Variants in PARD6B observed in about 807,000 individuals in gnomAD.
PARD6B encodes the protein par-6 family cell polarity regulator beta.
In PARD6B, 4 loss-of-function variants were observed where a neutral mutation model predicts 10.5. That is an observed-to-expected ratio of 0.38 (90% CI 0.19 to 0.87). PARD6B has a LOEUF of 0.87. PARD6B is among the 40% of genes least tolerant of loss of function. The probability of loss-of-function intolerance (pLI) is 0.41; values close to 1 mark genes in which losing one functional copy is unlikely to be tolerated. For synonymous variants in PARD6B, 169 were observed against 170.4 expected (o/e 0.99, Z 0.07); for missense variants, 396 against 470.6 (o/e 0.84, Z 1.47).
Position 50,751,994 on chromosome 20 carries a change from A to G in PARD6B, c.*1506A>G, listed in dbSNP as rs143302333. On this transcript the variant is annotated 3_prime_UTR_variant, in exon 3 of 3. Coordinates refer to ENST00000371610, the MANE Select transcript of PARD6B (RefSeq NM_032521.3). ...GGATTGCAGGCATGAGCGCCTAGCC[A>G]GGAAGCTATCTTTTCTTGAGTTATG... The G allele has an allele frequency of 9.1e-5, 90 of 985,370 alleles. No homozygotes were observed. The East Asian group carries it at 9.5e-3, about 104-fold the overall frequency. 61.0% of individuals were successfully genotyped at this position (985,370 alleles called of 1,614,324 possible).
chr20:50,752,989 A>G lies in PARD6B; in HGVS notation c.*2501A>G. 1 of 984,182 alleles carries G rather than the reference A, an allele frequency of 1.0e-6. No individual in the cohort carries two copies. The highest frequency in any genetic ancestry group is 1.2e-6 in the Non-Finnish European group (1 of 828,414). 61.0% of individuals were successfully genotyped at this position (984,182 alleles called of 1,614,324 possible). ...TCTTGAATGGCAAAATAATGTTAGT[A>G]TGTAGAAGGTTAACTTTCATTTATA... On this transcript the variant is annotated 3_prime_UTR_variant, in exon 3 of 3. Transcript: ENST00000371610.
chr20:50,738,418 A>C (rs1382910953), intron 2 of PARD6B, among the ~76,000 whole-genome samples: 3 of 152,250 alleles, frequency 2.0e-5, no homozygotes, highest in Non-Finnish European at 4.4e-5. Context: ...ACTCAGAAAA[A>C]TGTGAAAAGA....
intron 1 of PARD6B, among the ~76,000 whole-genome samples, chr20:50,732,607 G>T (rs1360557097): frequency 6.6e-6 from 1 of 152,160 alleles, no homozygotes; most frequent in Non-Finnish European, 1.5e-5. Context: ...CTTCCAAAGG[G>T]GGTTTTGAGC....
At chr20:50,746,902 A>C (rs1233888366) in intron 2 of PARD6B, among the ~76,000 whole-genome samples, 1 of 152,214 alleles carries the variant, frequency 6.6e-6, no homozygotes, top group Non-Finnish European at 1.5e-5. Context: ...AAAACACATT[A>C]CCAGAAGACT....
Position 50,753,157 on chromosome 20 carries a change from G to T in PARD6B, c.*2669G>T. On this transcript the variant is annotated 3_prime_UTR_variant, in exon 3 of 3. Coordinates refer to ENST00000371610, the MANE Select transcript of PARD6B (RefSeq NM_032521.3). The stretch of plus-strand genomic sequence containing the variant: ...TTGACTTTTTGTACAAATTTTAACT[G>T]TAAAATACAGATTTATCTTGTACGC... 1.0e-6 allele frequency: 1 copy of T among 984,386 alleles called. No individual in the cohort carries two copies. Among genetic ancestry groups the T allele is most frequent in the Non-Finnish European group, 1.2e-6 (1 of 829,196 alleles). The allele number at this position is 984,386 out of a possible 1,614,324, so 61.0% of individuals were successfully genotyped here. A position where few individuals can be genotyped will look rare whatever the true frequency, so the allele number is the denominator to read the frequency against.
intron 2 of PARD6B, among the ~76,000 whole-genome samples, chr20:50,739,862 A>AG (rs2087520945): frequency 5.5e-5 from 1 of 18,104 alleles, no homozygotes; most frequent in African/African-American, 2.1e-4. Flanking sequence ...CTAGAAGTAG[A>AG]GGGGAAGGGT....
chr20:50,752,399 T>A lies in PARD6B; in HGVS notation c.*1911T>A, dbSNP rs2087618368. The A allele has an allele frequency of 1.0e-6, 1 of 985,676 alleles. No homozygotes were observed. Among genetic ancestry groups the A allele is most frequent in the African/African-American group, 1.7e-5 (1 of 57,222 alleles). The allele number at this position is 985,676 out of a possible 1,614,324, so 61.1% of individuals were successfully genotyped here. A position where few individuals can be genotyped will look rare whatever the true frequency, so the allele number is the denominator to read the frequency against. Reference sequence around the variant, plus strand: ...AACACTGCCTACACTTTATGAAAACTACATAGTATTCACCTGTGACAGGTA... The same window carrying A: ...AACACTGCCTACACTTTATGAAAACAACATAGTATTCACCTGTGACAGGTA... On this transcript the variant is annotated 3_prime_UTR_variant, in exon 3 of 3. Coordinates refer to ENST00000371610, the MANE Select transcript of PARD6B (RefSeq NM_032521.3).
At chr20:50,738,355 A>G (rs1162308236) in intron 2 of PARD6B, among the ~76,000 whole-genome samples, 1 of 152,242 alleles carries the variant, frequency 6.6e-6, no homozygotes, top group Non-Finnish European at 1.5e-5. Flanking sequence ...TTGGGAATTT[A>G]TTGAATATTG....
Position 50,753,091 on chromosome 20 carries a change from T to G in PARD6B, c.*2603T>G, listed in dbSNP as rs921885320. On this transcript the variant is annotated 3_prime_UTR_variant, in exon 3 of 3. Coordinates refer to ENST00000371610, the MANE Select transcript of PARD6B (RefSeq NM_032521.3). ...TACCTCTCTCTTTTTTTTTTTAAAG[T>G]TTTAACATCAGAACTTTTGGGGGAA... is the stretch of plus-strand genomic sequence containing the variant. 2.5e-5 allele frequency: 25 copies of G among 984,288 alleles called. No individual in the cohort carries two copies. The highest frequency in any genetic ancestry group is 2.5e-5 in the Non-Finnish European group (21 of 828,754). 61.0% of individuals were successfully genotyped at this position (984,288 alleles called of 1,614,324 possible).
chr20:50,747,319 A>G (rs1366477140), intron 2 of PARD6B, among the ~76,000 whole-genome samples: 1 of 152,104 alleles, frequency 6.6e-6, no homozygotes, highest in East Asian at 1.9e-4. Flanking sequence ...GGGGTTTAGG[A>G]TTAAACAAGA....
rs182257849 is a variant in PARD6B at position 50,751,392 on chromosome 20, A to G, written c.*904A>G. The G allele has an allele frequency of 1.1e-3, 886 of 833,890 alleles. 13 individuals carry two copies. The African/African-American group carries it at 0.019, about 18-fold the overall frequency. The allele number at this position is 833,890 out of a possible 1,614,324, so 51.7% of individuals were successfully genotyped here. ...TTTTTTTGAGATGGAGTCTCGCTCTATCGCCCAGGCTGGAGTGCAGTGGCG... is the reference window on the plus strand; with the variant it reads ...TTTTTTTGAGATGGAGTCTCGCTCTGTCGCCCAGGCTGGAGTGCAGTGGCG... On this transcript the variant is annotated 3_prime_UTR_variant, in exon 3 of 3. Transcript: ENST00000371610.
intron 2 of PARD6B, among the ~76,000 whole-genome samples, chr20:50,745,281 G>C (rs928317497): frequency 6.6e-6 from 1 of 151,972 alleles, no homozygotes; most frequent in African/African-American, 2.4e-5. Flanking sequence ...AAAATTAGCC[G>C]GGCATGGTGG....
chr20:50,739,612 A>G (rs1460826638), intron 2 of PARD6B, among the ~76,000 whole-genome samples: 1 of 152,198 alleles, frequency 6.6e-6, no homozygotes, highest in African/African-American at 2.4e-5. Context: ...CCACCAACAA[A>G]ATAAACCTCC....
Position 50,747,049 on chromosome 20 carries a change from A to G in PARD6B, c.290-2610A>G, listed in dbSNP as rs1434191425. On this transcript the variant is annotated intron_variant, in intron 2 of 2. Coordinates refer to ENST00000371610, the MANE Select transcript of PARD6B (RefSeq NM_032521.3). ...AATGATTACAAGTGTCCCCAAGGGG[A>G]AAAAAATGCCAAAAAAATAAGATAC... Among the ~76,000 whole-genome samples the G allele has an allele frequency of 2.6e-5, 4 of 152,114 alleles. No individual in the cohort carries two copies. The East Asian group carries it at 5.8e-4, about 22-fold the overall frequency.
rs45624032 is a variant in PARD6B at position 50,752,325 on chromosome 20, T to G, written c.*1837T>G. On this transcript the variant is annotated 3_prime_UTR_variant, in exon 3 of 3. Coordinates refer to ENST00000371610, the MANE Select transcript of PARD6B (RefSeq NM_032521.3). Reference sequence around the variant, plus strand: ...CACATAGGACAAACTTGTGCACTTTTTATGCCAAAAAAAAAAAAAATTGGG... The same window carrying G: ...CACATAGGACAAACTTGTGCACTTTGTATGCCAAAAAAAAAAAAAATTGGG... 62,576 of 939,208 alleles carry G rather than the reference T, an allele frequency of 0.067. 2,114 individuals are homozygous for G. The highest frequency in any genetic ancestry group is 0.1 in the South Asian group (1,951 of 19,568). 58.2% of individuals were successfully genotyped at this position (939,208 alleles called of 1,614,324 possible).
At chr20:50,738,232 ATAT>A (rs2087511062) in intron 2 of PARD6B, among the ~76,000 whole-genome samples, 153 bp downstream of exon 2, 2 of 152,204 alleles carry the variant, frequency 1.3e-5, no homozygotes, top group South Asian at 4.1e-4. Context: ...AACATTTGTG[ATAT>A]TGTTGGTTTA....
At position 50,751,314 on chromosome 20, in the gene PARD6B, T is replaced by A; in HGVS notation, c.*826T>A. ...TTCTAATAAATTGTAACAAATGATGTTCTCAAGTACATTTCCAGTTTCTTT... is the reference window on the plus strand; with the variant it reads ...TTCTAATAAATTGTAACAAATGATGATCTCAAGTACATTTCCAGTTTCTTT... On this transcript the variant is annotated 3_prime_UTR_variant, in exon 3 of 3. Transcript: ENST00000371610. The A allele has an allele frequency of 1.1e-6, 1 of 951,342 alleles. No individual in the cohort carries two copies. The highest frequency in any genetic ancestry group is 4.8e-5 in the South Asian group (1 of 20,702). The allele number at this position is 951,342 out of a possible 1,614,324, so 58.9% of individuals were successfully genotyped here.
chr20:50,746,785 G>A (rs570229644), intron 2 of PARD6B, among the ~76,000 whole-genome samples: 2 of 152,276 alleles, frequency 1.3e-5, no homozygotes, highest in East Asian at 3.9e-4. Flanking sequence ...AGGTATGTAG[G>A]CAACGTAATA....
Position 50,750,954 on chromosome 20 carries a change from ATTTTTTTTTTTTTTTTTTTTT to A in PARD6B, c.*478_*498del. On this transcript the variant is annotated 3_prime_UTR_variant, in exon 3 of 3. Coordinates refer to ENST00000371610, the MANE Select transcript of PARD6B (RefSeq NM_032521.3). ...CTCATGTTCCCAATATTTTATTTTG[ATTTTTTTTTTTTTTTTTTTTT>A]TTTTTTTTTTTAGTGACTGGGTCTC... 5 of 384,924 alleles carry A rather than the reference ATTTTTTTTTTTTTTTTTTTTT, an allele frequency of 1.3e-5. No individual in the cohort carries two copies. The highest frequency in any genetic ancestry group is 1.5e-5 in the Non-Finnish European group (5 of 326,444). 23.8% of individuals were successfully genotyped at this position (384,924 alleles called of 1,614,324 possible).
Sources: gnomAD v4.1 joint callset for allele counts (sites outside exome capture counted in the v4.1 genomes callset) on GRCh38, gnomAD v4.1.1 for gene constraint, MANE v1.5 for transcripts, NCBI Gene and HGNC (gene_info 2026-07-23, HGNC 2026-07-21) for gene names.